PACSIN1: variants seen among roughly 807,000 people sequenced by gnomAD.
The protein encoded by PACSIN1 is protein kinase C and casein kinase substrate in neurons 1, also known as protein kinase C and casein kinase substrate in neurons protein 1.
PACSIN1 carries 15 observed loss-of-function variants against 59.5 expected under a neutral mutation model. The ratio of observed to expected loss-of-function variants is 0.25; its 90% confidence interval spans 0.17 to 0.39. The LOEUF (loss-of-function observed/expected upper bound fraction) is 0.39, where lower values mean the gene tolerates loss of function less well. Ranked by LOEUF, PACSIN1 falls within the 10% of genes least tolerant of loss-of-function variation. The pLI is 1.00. For missense variants in PACSIN1, 420 were observed against 580.2 expected, an observed-to-expected ratio of 0.72 and a Z score of 2.84; for synonymous variants, 210 against 220.6, an observed-to-expected ratio of 0.95 and a Z score of 0.42.
At chr6:34,484,131 G>A (rs540302897) in intron 1 of PACSIN1, among the ~76,000 whole-genome samples, 3 of 152,112 alleles carry the variant, frequency 2.0e-5, no homozygotes, top group African/African-American at 7.2e-5. Flanking sequence ...CCTCATCAGG[G>A]CCTTTAACAT....
chr6:34,466,639 C>T (rs572340849), intron 1 of PACSIN1, among the ~76,000 whole-genome samples: 4 of 152,308 alleles, frequency 2.6e-5, no homozygotes, highest in African/African-American at 9.6e-5. Context: ...CTGGTGCCAG[C>T]TTGGTGCATA....
chr6:34,492,113 C>T (rs982844736), intron 1 of PACSIN1, among the ~76,000 whole-genome samples: 2 of 151,388 alleles, frequency 1.3e-5, no homozygotes, highest in Admixed American at 6.6e-5. Context: ...TCCATAGTGG[C>T]TGAAATCATT....
intron 1 of PACSIN1, among the ~76,000 whole-genome samples, chr6:34,504,824 C>A (rs530107072): frequency 2.8e-4 from 43 of 151,848 alleles, no homozygotes; most frequent in Non-Finnish European, 5.4e-4. Flanking sequence ...CTGAGAATAC[C>A]TTGATTTTCC....
chr6:34,486,235 C>A (rs1322951736), intron 1 of PACSIN1, among the ~76,000 whole-genome samples: 4 of 151,940 alleles, frequency 2.6e-5, no homozygotes, highest in Admixed American at 2.6e-4. Context: ...GGGTTTGGGG[C>A]CACAGTGTCT....
rs551549112 is a variant in PACSIN1, at chr6:34,490,847, C to A, written c.-64+24577C>A. 3.3e-5 allele frequency among the ~76,000 whole-genome samples: 5 copies of A among 152,314 alleles called. No individual in the cohort carries two copies. In the East Asian group the frequency reaches 9.7e-4, roughly 29 times the overall value. ...GGCAGCCCTGGCGTTTCTGCTTCTA[C>A]TGTGGGCTTTCGTTTTCTCCAAGCA... On this transcript the variant is annotated intron_variant, in intron 1 of 9. Coordinates refer to ENST00000244458, the MANE Select transcript of PACSIN1 (RefSeq NM_020804.5).
chr6:34,501,315 C>A lies in PACSIN1; in HGVS notation c.-63-24928C>A, dbSNP rs995207924. ...AAATCTTTTTTCAAGACAGGGGATT[C>A]CTTGGGTGAAGAAATACCTAAAGGG... is the stretch of plus-strand genomic sequence containing the variant. On this transcript the variant is annotated intron_variant, in intron 1 of 9. Transcript: ENST00000244458. Among the ~76,000 whole-genome samples the A allele has an allele frequency of 3.3e-5, 5 of 152,290 alleles. No individual in the cohort carries two copies. In the South Asian group the frequency reaches 6.2e-4, roughly 19 times the overall value.
In PACSIN1 at chr6:34,468,186, C is replaced by T. The variant is rs554235787; in HGVS notation, c.-64+1916C>T. Reference sequence around the variant, plus strand: ...AGCAAGCTCTCAGGGGTCTCATGACCCTAGTGTGTGGAGGAGCAAACCCAC... The same window carrying T: ...AGCAAGCTCTCAGGGGTCTCATGACTCTAGTGTGTGGAGGAGCAAACCCAC... On this transcript the variant is annotated intron_variant, in intron 1 of 9. Transcript: ENST00000244458. Among the ~76,000 whole-genome samples the T allele has an allele frequency of 5.9e-5, 9 of 152,320 alleles. No individual in the cohort carries two copies. In the East Asian group the frequency reaches 1.5e-3, roughly 26 times the overall value.
intron 1 of PACSIN1, among the ~76,000 whole-genome samples, chr6:34,522,019 CT>C (rs757041322): frequency 6.6e-6 from 1 of 152,200 alleles, no homozygotes; most frequent in Non-Finnish European, 1.5e-5. Flanking sequence ...GCGATCTTGG[CT>C]TACCTCTCTG....
intron 1 of PACSIN1, among the ~76,000 whole-genome samples, chr6:34,498,629 C>CTTG (rs1297313919): frequency 5.3e-5 from 8 of 151,700 alleles, no homozygotes; most frequent in Admixed American, 3.9e-4. Flanking sequence ...AAAACCTTGT[C>CTTG]TTGACTAAAT....
rs994861085 is a variant in PACSIN1 at position 34,488,253 on chromosome 6, G to C, written c.-64+21983G>C. 3.9e-5 allele frequency among the ~76,000 whole-genome samples: 6 copies of C among 152,166 alleles called. No individual in the cohort carries two copies. In the East Asian group the frequency reaches 9.6e-4, roughly 24 times the overall value. On this transcript the variant is annotated intron_variant, in intron 1 of 9. Transcript: ENST00000244458. This position sits in a 1 kb window ranked among gnomAD's most constrained non-coding sequence, Gnocchi z 4.7. ...TCAATACCAGGCAAGGGAGCACCAA[G>C]AGATGTCCCAGGGAATTACCTGGCT... is the stretch of plus-strand genomic sequence containing the variant.
chr6:34,471,009 G>A (rs771866370), intron 1 of PACSIN1, among the ~76,000 whole-genome samples: 77 of 151,808 alleles, frequency 5.1e-4, no homozygotes, highest in Non-Finnish European at 7.2e-4. Flanking sequence ...GCAAGGCTGC[G>A]ATCTAGGCTC....
chr6:34,501,531 C>T (rs534616906), intron 1 of PACSIN1, among the ~76,000 whole-genome samples: 3 of 152,292 alleles, frequency 2.0e-5, no homozygotes, highest in African/African-American at 7.2e-5. Flanking sequence ...TCTTGGGTCC[C>T]AATGTGTGCA....
At position 34,520,714 on chromosome 6, in the gene PACSIN1, G is replaced by A. The variant is rs575137973; in HGVS notation, c.-63-5529G>A. Reference sequence around the variant, plus strand: ...TGCGTGCTGCAGTACCCCTGAGGACGGAGGAAGCCATGCTGAGGGCAGGAT... The same window carrying A: ...TGCGTGCTGCAGTACCCCTGAGGACAGAGGAAGCCATGCTGAGGGCAGGAT... On this transcript the variant is annotated intron_variant, in intron 1 of 9. Transcript: ENST00000244458. Among the ~76,000 whole-genome samples, 12 of 152,294 alleles carry A rather than the reference G, an allele frequency of 7.9e-5. No homozygotes were observed. In the South Asian group the frequency reaches 1.2e-3, roughly 16 times the overall value.
chr6:34,527,161 G>A (rs1029435689), intron 2 of PACSIN1, among the ~76,000 whole-genome samples, 171 bp from the exon 3 acceptor site: 7 of 150,722 alleles, frequency 4.6e-5, no homozygotes, highest in Non-Finnish European at 1.0e-4. Flanking sequence ...TAGTTTCCCT[G>A]GGGTGTTGCC....
At chr6:34,497,044 G>A (rs918919085) in intron 1 of PACSIN1, among the ~76,000 whole-genome samples, 10 of 150,544 alleles carry the variant, frequency 6.6e-5, no homozygotes, top group Middle Eastern at 6.8e-3. Flanking sequence ...CACCTCCCGG[G>A]TTCAAGCAAT....
At position 34,528,643 on chromosome 6, in the gene PACSIN1, C is replaced by CCCTGGGGTG. The variant is rs1767531145; in HGVS notation, c.224_225insTGGGGTGCC (p.Pro75_Gln76insGlyValPro). On this transcript the variant is annotated inframe_insertion and splice_region_variant, in exon 4 of 10. Transcript: ENST00000244458. Reference sequence around the variant, plus strand: ...TGTGACCTATTGCCATTCCCTCAGGCCCACAGTATGGCAGCCTGGAGCGGG... The same window carrying CCCTGGGGTG: ...TGTGACCTATTGCCATTCCCTCAGGCCCTGGGGTGCCACAGTATGGCAGCCTGGAGCGGG... The CCCTGGGGTG allele has an allele frequency of 6.2e-7, 1 of 1,613,030 alleles. No homozygotes were observed. Among genetic ancestry groups the CCCTGGGGTG allele is most frequent in the Non-Finnish European group, 8.5e-7 (1 of 1,179,480 alleles).
chr6:34,471,843 G>A (rs567081306), intron 1 of PACSIN1, among the ~76,000 whole-genome samples: 3 of 152,328 alleles, frequency 2.0e-5, no homozygotes, highest in African/African-American at 7.2e-5. Context: ...CAGTGACAAA[G>A]TCAAGACCTC....
At chr6:34,483,891 C>T (rs1766756908) in intron 1 of PACSIN1, among the ~76,000 whole-genome samples, 1 of 151,930 alleles carries the variant, frequency 6.6e-6, no homozygotes, top group Non-Finnish European at 1.5e-5. Flanking sequence ...TCAGGTGATC[C>T]ACCTGCCTCG....
intron 1 of PACSIN1, among the ~76,000 whole-genome samples, chr6:34,490,156 G>C (rs990171536): frequency 1.3e-5 from 2 of 151,084 alleles, no homozygotes; most frequent in African/African-American, 4.9e-5. Context: ...GTTCAAGTGA[G>C]CTTCCCACCC....
Sources: gnomAD v4.1 joint callset for allele counts (sites outside exome capture counted in the v4.1 genomes callset) on GRCh38, gnomAD v4.1.1 for gene constraint, Gnocchi (gnomAD v3.1) non-coding constraint, MANE v1.5 for transcripts, NCBI Gene and HGNC (gene_info 2026-07-23, HGNC 2026-07-21) for gene names.